Variants in PDS5B observed in about 807,000 individuals in gnomAD.
PDS5B encodes sister chromatid cohesion protein PDS5 homolog B.
Under a neutral mutation model 184.1 loss-of-function variants are expected in PDS5B, and 51 were observed. The ratio of observed to expected loss-of-function variants is 0.28; its 90% CI spans 0.22 to 0.35. The LOEUF (loss-of-function observed/expected upper bound fraction) is 0.35, where lower values mean the gene tolerates loss of function less well. Ranked by LOEUF, PDS5B falls within the 10% of genes least tolerant of loss-of-function variation. PDS5B has a pLI of 1.00. For synonymous variants in PDS5B, 566 were observed against 569.2 expected (o/e 0.99, Z 0.08); for missense variants, 1,180 against 1,723.3 (o/e 0.68, Z 5.58).
At chr13:32,615,441 T>C (rs2058203574) in intron 1 of PDS5B, among the ~76,000 whole-genome samples, 1 of 133,068 alleles carries the variant, frequency 7.5e-6, no homozygotes, top group Admixed American at 7.4e-5. Context: ...TATACAAAAG[T>C]GAAATGTATA....
chr13:32,606,360 A>T (rs1469061849), intron 1 of PDS5B, among the ~76,000 whole-genome samples: 1 of 152,180 alleles, frequency 6.6e-6, no homozygotes, highest in Non-Finnish European at 1.5e-5. Flanking sequence ...TTCTGGGTTG[A>T]AAATTCTTTT....
At chr13:32,759,749 G>A (rs1954309659) in intron 29 of PDS5B, 59 bp downstream of exon 29, 5 of 745,162 alleles carry the variant, frequency 6.7e-6, no homozygotes, top group Middle Eastern at 2.5e-4. Flanking sequence ...GTGATTATTG[G>A]CAAAATTGTG....
chr13:32,655,702 T>TG (rs1278384043), intron 3 of PDS5B, among the ~76,000 whole-genome samples: 2 of 151,974 alleles, frequency 1.3e-5, no homozygotes, highest in Non-Finnish European at 2.9e-5. Context: ...GTTTTTTGCT[T>TG]GTTAATTAAG....
intron 17 of PDS5B, among the ~76,000 whole-genome samples, 173 bp downstream of exon 17, chr13:32,701,611 CAG>C (rs1951863835): frequency 2.3e-5 from 3 of 130,434 alleles, no homozygotes; most frequent in African/African-American, 7.1e-5. Flanking sequence ...CACACACACA[CAG>C]ACACACACAT....
chr13:32,746,811 C>T (rs566770440), intron 24 of PDS5B, among the ~76,000 whole-genome samples: 1 of 152,198 alleles, frequency 6.6e-6, no homozygotes, highest in Admixed American at 6.5e-5. Flanking sequence ...TGGCTACTTA[C>T]ATTTTTTGCT....
At chr13:32,677,645 T>G (rs1951107832) in intron 9 of PDS5B, among the ~76,000 whole-genome samples, 1 of 151,998 alleles carries the variant, frequency 6.6e-6, no homozygotes, top group Non-Finnish European at 1.5e-5. Flanking sequence ...TTTATAACTT[T>G]TGGGAGGGGA....
chr13:32,591,961 G>C (rs1035081103), intron 1 of PDS5B, among the ~76,000 whole-genome samples: 4 of 152,122 alleles, frequency 2.6e-5, no homozygotes, highest in Admixed American at 2.6e-4. Context: ...GAACAACTCT[G>C]GGTCAGTATG....
At chr13:32,639,943 CTTTA>C (rs1255277612) in intron 1 of PDS5B, among the ~76,000 whole-genome samples, 1 of 152,166 alleles carries the variant, frequency 6.6e-6, no homozygotes, top group African/African-American at 2.4e-5. Context: ...AGATGCCGGT[CTTTA>C]TTTGTTGATT....
intron 7 of PDS5B, among the ~76,000 whole-genome samples, chr13:32,671,553 C>T (rs1177878923): frequency 2.0e-5 from 3 of 152,126 alleles, no homozygotes; most frequent in Non-Finnish European, 4.4e-5. Flanking sequence ...TCATGAAATT[C>T]TCTTCCCATA....
rs1954996023 is a variant in PDS5B at position 32,777,722 on chromosome 13, G to A, written c.*2670G>A. The A allele has an allele frequency of 6.6e-6, 1 of 152,288 alleles. No individual in the cohort carries two copies. The highest frequency in any genetic ancestry group is 2.1e-4 in the South Asian group (1 of 4,830). 9.4% of individuals were successfully genotyped at this position (152,288 alleles called of 1,614,324 possible). ...AATTTCTTGCTGCAGTGCAACAGGA[G>A]GCTTTTTCAGTGATCTTCACTGTAT... On this transcript the variant is annotated 3_prime_UTR_variant, in exon 35 of 35. Transcript: ENST00000315596.
At chr13:32,660,012 A>G (rs1950602648) in intron 6 of PDS5B, among the ~76,000 whole-genome samples, 1 of 151,312 alleles carries the variant, frequency 6.6e-6, no homozygotes, top group Non-Finnish European at 1.5e-5. Flanking sequence ...AGCAGACACT[A>G]CAAATAGCAA....
chr13:32,769,816 CT>C (rs1489762358), intron 31 of PDS5B, among the ~76,000 whole-genome samples: 2 of 152,108 alleles, frequency 1.3e-5, no homozygotes, highest in African/African-American at 4.8e-5. Context: ...TTATAATGCT[CT>C]TTTTAATGAG....
chr13:32,764,401 C>A, intron 30 of PDS5B, 88 bp from the exon 31 acceptor site: 1 of 703,032 alleles, frequency 1.4e-6, no homozygotes, highest in Non-Finnish European at 2.1e-6. Flanking sequence ...GAAATTTTTT[C>A]CATAAATCTG....
intron 23 of PDS5B, 34 bp from the exon 24 acceptor site, chr13:32,745,943 A>G: frequency 6.5e-7 from 1 of 1,540,672 alleles, no homozygotes; most frequent in Non-Finnish European, 8.9e-7. Flanking sequence ...AATATTTTAA[A>G]TGCTAATCTA....
chr13:32,707,467 T>C (rs1859187769), intron 18 of PDS5B, among the ~76,000 whole-genome samples: 2 of 151,890 alleles, frequency 1.3e-5, no homozygotes, highest in African/African-American at 2.4e-5. Flanking sequence ...ACATAAACAT[T>C]AGTTTCTTTT....
chr13:32,705,006 C>G (rs1951967647), intron 17 of PDS5B, among the ~76,000 whole-genome samples: 1 of 152,058 alleles, frequency 6.6e-6, no homozygotes, highest in Admixed American at 6.6e-5. Flanking sequence ...TTTCTTTGAT[C>G]TTTCAGGTAG....
At chr13:32,748,925 T>C (rs893071024) in intron 24 of PDS5B, among the ~76,000 whole-genome samples, 4 of 152,172 alleles carry the variant, frequency 2.6e-5, no homozygotes, top group South Asian at 2.1e-4. Context: ...TTCTTGACCA[T>C]TCTTATTGCT....
At chr13:32,647,664 C>T (rs981408949) in intron 1 of PDS5B, among the ~76,000 whole-genome samples, 1 of 151,600 alleles carries the variant, frequency 6.6e-6, no homozygotes, top group Non-Finnish European at 1.5e-5. Flanking sequence ...TTTAGAAGTT[C>T]TATTTAAAAA....
intron 21 of PDS5B, among the ~76,000 whole-genome samples, chr13:32,735,947 C>G (rs2140960188): frequency 6.6e-6 from 1 of 152,110 alleles, no homozygotes; most frequent in Non-Finnish European, 1.5e-5. Context: ...GTATTTTTCT[C>G]TTTTCTTATT....
Sources: gnomAD v4.1 joint callset for allele counts (sites outside exome capture counted in the v4.1 genomes callset) on GRCh38, gnomAD v4.1.1 for gene constraint, MANE v1.5 for transcripts, NCBI Gene and HGNC (gene_info 2026-07-23, HGNC 2026-07-21) for gene names.